CCDC195: variants seen among roughly 807,000 people sequenced by gnomAD.
The protein encoded by CCDC195 is coiled-coil domain-containing protein 195.
intron 1 of CCDC195, among the ~76,000 whole-genome samples, chr2:224,713,131 T>G (rs1689334271): frequency 6.6e-6 from 1 of 152,206 alleles, no homozygotes; most frequent in Admixed American, 6.5e-5. Context: ...CCTCCCAAAG[T>G]GCTGAGATTT....
At chr2:224,707,040 G>T (rs1319612850) in intron 2 of CCDC195, among the ~76,000 whole-genome samples, 1 of 151,652 alleles carries the variant, frequency 6.6e-6, no homozygotes, top group Non-Finnish European at 1.5e-5. Context: ...TCCCACATTT[G>T]ATCTATAAAT....
chr2:224,706,533 A>G (rs1299778461), intron 2 of CCDC195, among the ~76,000 whole-genome samples: 1 of 112,662 alleles, frequency 8.9e-6, no homozygotes, highest in Non-Finnish European at 1.8e-5. Flanking sequence ...TTTTTTTGAG[A>G]CAGAGTCTCG....
At chr2:224,715,180 G>A (rs906602097) in intron 1 of CCDC195, among the ~76,000 whole-genome samples, 1 of 152,076 alleles carries the variant, frequency 6.6e-6, no homozygotes, top group Admixed American at 6.6e-5. Context: ...ATCCACCTTG[G>A]CTTCCCAAAG....
intron 1 of CCDC195, among the ~76,000 whole-genome samples, chr2:224,711,834 A>C (rs1199012162): frequency 6.6e-6 from 1 of 152,138 alleles, no homozygotes; most frequent in African/African-American, 2.4e-5. Context: ...ATTGTAGGAG[A>C]GGTCTAGGGA....
intron 1 of CCDC195, among the ~76,000 whole-genome samples, chr2:224,710,430 C>T (rs1483991300): frequency 6.6e-6 from 1 of 152,188 alleles, no homozygotes; most frequent in African/African-American, 2.4e-5. Context: ...ATCACAAGGT[C>T]AGGCGATGGT....
intron 1 of CCDC195, among the ~76,000 whole-genome samples, chr2:224,715,538 A>G (rs1689368862): frequency 6.6e-6 from 1 of 152,216 alleles, no homozygotes; most frequent in Non-Finnish European, 1.5e-5. Context: ...AGTATCTGCC[A>G]TTTGTTGTGC....
chr2:224,704,876 C>A (rs1230695883), intron 2 of CCDC195, among the ~76,000 whole-genome samples: 1 of 152,118 alleles, frequency 6.6e-6, no homozygotes, highest in Admixed American at 6.6e-5. Flanking sequence ...CCTGCCTTGA[C>A]CTCCCGAAAT....
chr2:224,715,048 C>A (rs1275688483), intron 1 of CCDC195, among the ~76,000 whole-genome samples: 1 of 152,132 alleles, frequency 6.6e-6, no homozygotes, highest in Non-Finnish European at 1.5e-5. Context: ...CCTGCCTCAG[C>A]CTCCCCAGTA....
intron 2 of CCDC195, among the ~76,000 whole-genome samples, chr2:224,707,474 A>ACT (rs1283086731): frequency 4.0e-5 from 6 of 150,692 alleles, no homozygotes; most frequent in Non-Finnish European, 8.9e-5. Flanking sequence ...ATCAGGACTC[A>ACT]CTCTCTCTCT....
intron 1 of CCDC195, among the ~76,000 whole-genome samples, chr2:224,715,633 C>A (rs1689369957): frequency 6.6e-6 from 1 of 152,170 alleles, no homozygotes; most frequent in South Asian, 2.1e-4. Context: ...TATAACACTT[C>A]CAGATGAAGA....
intron 1 of CCDC195, among the ~76,000 whole-genome samples, chr2:224,715,797 A>T (rs556588166): frequency 1.4e-4 from 22 of 152,304 alleles, no homozygotes; most frequent in Non-Finnish European, 3.1e-4. Context: ...TGACATACAC[A>T]CATTCAATGT....
chr2:224,705,749 G>C (rs1411428063), intron 2 of CCDC195, among the ~76,000 whole-genome samples: 2 of 152,152 alleles, frequency 1.3e-5, no homozygotes, highest in African/African-American at 2.4e-5. Context: ...TGGATTTCAT[G>C]CCAATCCAGT....
intron 1 of CCDC195, among the ~76,000 whole-genome samples, chr2:224,710,634 G>A (rs1002264523): frequency 2.6e-5 from 4 of 152,216 alleles, no homozygotes; most frequent in East Asian, 1.9e-4. Flanking sequence ...GGGAAACTTC[G>A]TCTCAAACAA....
intron 2 of CCDC195, among the ~76,000 whole-genome samples, chr2:224,709,713 G>T (rs1453675745): frequency 1.3e-5 from 2 of 152,176 alleles, no homozygotes; most frequent in Non-Finnish European, 2.9e-5. Flanking sequence ...GCCTGGCTTA[G>T]AATATGATCA....
intron 2 of CCDC195, among the ~76,000 whole-genome samples, chr2:224,709,124 T>C (rs1307621339): frequency 2.8e-5 from 4 of 143,080 alleles, no homozygotes; most frequent in Non-Finnish European, 6.0e-5. Context: ...AGTCTCACTC[T>C]GTCCCCCAGG....
intron 2 of CCDC195, among the ~76,000 whole-genome samples, chr2:224,704,410 T>A (rs1183937515): frequency 2.0e-5 from 3 of 152,162 alleles, no homozygotes; most frequent in African/African-American, 7.2e-5. Context: ...TCTAAAATAT[T>A]ACATAGAATT....
intron 2 of CCDC195, 72 bp from the exon 3 acceptor site, chr2:224,703,959 C>T (rs1262702099): frequency 1.3e-5 from 5 of 397,120 alleles, no homozygotes; most frequent in African/African-American, 1.0e-4. Context: ...GATGATTTTT[C>T]CCCCCAATCA....
chr2:224,705,019 C>T (rs1697226244), intron 2 of CCDC195, among the ~76,000 whole-genome samples: 1 of 152,068 alleles, frequency 6.6e-6, no homozygotes, highest in Non-Finnish European at 1.5e-5. Flanking sequence ...GGTGAGCGGT[C>T]ACTCAACCAC....
intron 1 of CCDC195, among the ~76,000 whole-genome samples, chr2:224,715,695 T>C (rs144730794): frequency 6.4e-4 from 98 of 152,318 alleles, no homozygotes; most frequent in African/African-American, 2.2e-3. Flanking sequence ...GTGGCTGAAG[T>C]GGTCAATTGG....
Sources: gnomAD v4.1 joint callset for allele counts (sites outside exome capture counted in the v4.1 genomes callset) on GRCh38, gnomAD v4.1.1 for gene constraint, MANE v1.5 for transcripts, NCBI Gene and HGNC (gene_info 2026-07-23, HGNC 2026-07-21) for gene names.